The following R3HDM1 variants were observed in gnomAD, a reference collection of about 807,000 sequenced individuals.
R3HDM1 encodes the protein R3H domain-containing protein 1.
R3HDM1 carries 46 observed loss-of-function variants against 141.1 expected under a neutral mutation model. The ratio of observed to expected loss-of-function variants is 0.33; its 90% CI spans 0.26 to 0.42. The LOEUF (loss-of-function observed/expected upper bound fraction) is 0.42, where lower values mean the gene tolerates loss of function less well. Ranked by LOEUF, R3HDM1 falls within the 10% of genes least tolerant of loss-of-function variation. The pLI is 1.00. For missense variants in R3HDM1, 1,184 were observed against 1,368.3 expected (o/e 0.87, Z 2.12); for synonymous variants, 435 against 472.9 (o/e 0.92, Z 1.04).
intron 16 of R3HDM1, 60 bp from the exon 17 acceptor site, chr2:135,649,842 G>T: frequency 9.9e-7 from 1 of 1,007,648 alleles, no homozygotes; most frequent in South Asian, 2.4e-5. Context: ...TCCGTTTTAT[G>T]CAATTCTTCT....
chr2:135,562,238 A>G (rs912329482), intron 1 of R3HDM1, among the ~76,000 whole-genome samples: 6 of 152,222 alleles, frequency 3.9e-5, no homozygotes, highest in Admixed American at 1.3e-4. Context: ...TCCAGGCTTT[A>G]CATTTGATCT....
At chr2:135,648,820 A>T (rs1053811977) in intron 16 of R3HDM1, among the ~76,000 whole-genome samples, 3 of 151,866 alleles carry the variant, frequency 2.0e-5, no homozygotes, top group Non-Finnish European at 4.4e-5. Context: ...CCCCTGGGAA[A>T]CATAAAACCC....
intron 20 of R3HDM1, 35 bp downstream of exon 20, chr2:135,675,521 TG>T: frequency 6.4e-7 from 1 of 1,556,646 alleles, no homozygotes; most frequent in Non-Finnish European, 8.8e-7. Flanking sequence ...TGGGTAGAGA[TG>T]ATTTCGAATA....
At chr2:135,565,431 A>G (rs1277850759) in intron 1 of R3HDM1, among the ~76,000 whole-genome samples, 1 of 150,752 alleles carries the variant, frequency 6.6e-6, no homozygotes, top group Non-Finnish European at 1.5e-5. Flanking sequence ...GGCTCAAGGA[A>G]TCCTTCTGCC....
At chr2:135,639,308 T>A (rs759643594) in intron 14 of R3HDM1, among the ~76,000 whole-genome samples, 186 bp downstream of exon 14, 1 of 152,226 alleles carries the variant, frequency 6.6e-6, no homozygotes, top group Non-Finnish European at 1.5e-5. Flanking sequence ...CTCTCTGTCC[T>A]GGACACAGAT....
chr2:135,709,698 C>T (rs747864688), intron 22 of R3HDM1, among the ~76,000 whole-genome samples, 162 bp downstream of exon 22: 2 of 152,142 alleles, frequency 1.3e-5, no homozygotes, highest in East Asian at 1.9e-4. Flanking sequence ...ATGTGCAGTC[C>T]ACTTCTTCCT....
At chr2:135,683,606 C>T (rs974458761) in intron 21 of R3HDM1, among the ~76,000 whole-genome samples, 1 of 147,846 alleles carries the variant, frequency 6.8e-6, no homozygotes, top group East Asian at 2.0e-4. Flanking sequence ...AAAAAAAATT[C>T]ATAATTAACT....
chr2:135,598,333 A>G (rs536140637), intron 1 of R3HDM1, among the ~76,000 whole-genome samples: 1 of 152,314 alleles, frequency 6.6e-6, no homozygotes, highest in South Asian at 2.1e-4. Context: ...GGTGACCATT[A>G]ATACAAAGTT....
At chr2:135,588,123 C>T (rs1008770363) in intron 1 of R3HDM1, among the ~76,000 whole-genome samples, 3 of 151,978 alleles carry the variant, frequency 2.0e-5, no homozygotes, top group Non-Finnish European at 4.4e-5. Context: ...CTCTGACTCT[C>T]TCTCCCTGTC....
At chr2:135,599,014 T>G (rs1411039079) in intron 1 of R3HDM1, among the ~76,000 whole-genome samples, 1 of 152,188 alleles carries the variant, frequency 6.6e-6, no homozygotes, top group African/African-American at 2.4e-5. Flanking sequence ...TAGATTTTGG[T>G]GTCACACTTG....
intron 1 of R3HDM1, among the ~76,000 whole-genome samples, chr2:135,599,960 A>T (rs977650728): frequency 1.8e-4 from 27 of 152,010 alleles, no homozygotes; most frequent in Admixed American, 1.7e-3. Flanking sequence ...CTTGAGCCTC[A>T]AAGGTCAAGG....
At chr2:135,709,230 C>T (rs1244496571) in intron 21 of R3HDM1, among the ~76,000 whole-genome samples, 1 of 152,134 alleles carries the variant, frequency 6.6e-6, no homozygotes. Flanking sequence ...CCTGCCACCA[C>T]GCCCGGCTAA....
At chr2:135,620,570 A>G in intron 5 of R3HDM1, 1 of 982,740 alleles carries the variant, frequency 1.0e-6, no homozygotes, top group Non-Finnish European at 1.2e-6. Flanking sequence ...AATAGCAGGT[A>G]GCAGTCCTAT....
intron 18 of R3HDM1, among the ~76,000 whole-genome samples, chr2:135,659,049 C>CTG (rs548436817): frequency 0.056 from 7,121 of 126,396 alleles, 279 homozygotes; most frequent in Admixed American, 0.12. Flanking sequence ...CTACCTGAGT[C>CTG]TGTGTGTGTG....
intron 7 of R3HDM1, among the ~76,000 whole-genome samples, chr2:135,625,931 GAGTA>G (rs1474833008): frequency 2.0e-5 from 3 of 152,260 alleles, no homozygotes; most frequent in African/African-American, 4.8e-5. Context: ...CAACAAATAT[GAGTA>G]AGTGTTTCCC....
chr2:135,712,220 G>A (rs189315570), intron 23 of R3HDM1, among the ~76,000 whole-genome samples: 15 of 151,998 alleles, frequency 9.9e-5, no homozygotes, highest in Middle Eastern at 3.4e-3. Context: ...CTGACACCAG[G>A]CTGGACTGCA....
intron 5 of R3HDM1, chr2:135,620,493 A>G (rs2061426691): frequency 2.0e-6 from 2 of 982,792 alleles, no homozygotes; most frequent in East Asian, 1.1e-4. Flanking sequence ...AGTGTGCATC[A>G]TTTACCCTAT....
At chr2:135,611,205 T>C (rs1243145272) in intron 3 of R3HDM1, among the ~76,000 whole-genome samples, 1 of 151,472 alleles carries the variant, frequency 6.6e-6, no homozygotes, top group Non-Finnish European at 1.5e-5. Context: ...GCAGAATGCT[T>C]GAGTCCAGGA....
intron 18 of R3HDM1, among the ~76,000 whole-genome samples, chr2:135,660,351 T>C (rs1017847562): frequency 1.3e-5 from 2 of 152,204 alleles, no homozygotes; most frequent in African/African-American, 4.8e-5. Context: ...CATATACATC[T>C]TATACACATA....
Sources: gnomAD v4.1 joint callset for allele counts (sites outside exome capture counted in the v4.1 genomes callset) on GRCh38, gnomAD v4.1.1 for gene constraint, MANE v1.5 for transcripts, NCBI Gene and HGNC (gene_info 2026-07-23, HGNC 2026-07-21) for gene names.